CUEDC1: variants seen among roughly 807,000 people sequenced by gnomAD.
CUEDC1 encodes the protein CUE domain-containing protein 1.
CUEDC1 carries 30 observed loss-of-function variants against 43.7 expected under a neutral mutation model. The ratio of observed to expected loss-of-function variants is 0.69; its 90% CI spans 0.51 to 0.93. The LOEUF is 0.93. CUEDC1 is among the 40% of genes least tolerant of loss of function. The probability of loss-of-function intolerance (pLI) is 0.00; values close to 1 mark genes in which losing one functional copy is unlikely to be tolerated. For missense variants in CUEDC1, 486 were observed against 549.0 expected (o/e 0.89, Z 1.15); for synonymous variants, 223 against 223.6 (o/e 1.00, Z 0.02).
intron 7 of CUEDC1, 67 bp from the exon 8 acceptor site, chr17:57,868,310 T>C (rs2073989058): frequency 6.9e-7 from 1 of 1,439,306 alleles, no homozygotes; most frequent in Non-Finnish European, 9.8e-7. Context: ...TCCTCCCAGG[T>C]GTGGGAAAGG....
chr17:57,921,007 ACATG>A (rs1374842500), intron 1 of CUEDC1, among the ~76,000 whole-genome samples: 1 of 152,256 alleles, frequency 6.6e-6, no homozygotes, highest in African/African-American at 2.4e-5. Context: ...GTTTTAAAAC[ACATG>A]TACAGATCAC....
chr17:57,943,923 GAA>G (rs1255782012), intron 1 of CUEDC1, among the ~76,000 whole-genome samples: 2 of 152,124 alleles, frequency 1.3e-5, no homozygotes, highest in Non-Finnish European at 2.9e-5. Context: ...AACAGTCAAA[GAA>G]TAAGAATCCT....
In CUEDC1 at chr17:57,954,372, C is replaced by T. The variant is rs1362950217; in HGVS notation, c.-316+853G>A. Among the ~76,000 whole-genome samples, 1 of 152,242 alleles carries T rather than the reference C, an allele frequency of 6.6e-6. No homozygotes were observed. Among genetic ancestry groups the T allele is most frequent in the Non-Finnish European group, 1.5e-5 (1 of 68,048 alleles). Reference sequence around the variant, plus strand: ...AAAAAAAGGAAAATCTAAACCCTCCCTCCCCTTAAAACACATTCCGTCTCA... The same window carrying T: ...AAAAAAAGGAAAATCTAAACCCTCCTTCCCCTTAAAACACATTCCGTCTCA... On this transcript the variant is annotated intron_variant, in intron 1 of 10. Coordinates refer to ENST00000577830, the MANE Select transcript of CUEDC1 (RefSeq NM_001271875.2). This position sits in a 1 kb window ranked among gnomAD's most constrained non-coding sequence, Gnocchi z 4.3.
intron 1 of CUEDC1, among the ~76,000 whole-genome samples, chr17:57,913,716 G>A (rs1037738118): frequency 5.9e-5 from 9 of 152,050 alleles, no homozygotes; most frequent in African/African-American, 2.2e-4. Context: ...CATCCTTCTC[G>A]TCTGAACTGA....
intron 10 of CUEDC1, among the ~76,000 whole-genome samples, chr17:57,864,059 A>T (rs1029788205): frequency 1.3e-5 from 2 of 151,930 alleles, no homozygotes; most frequent in African/African-American, 4.8e-5. Context: ...TTCAAAGAGC[A>T]CAGGAAAAAT....
At chr17:57,893,475 C>T (rs1247807369) in intron 1 of CUEDC1, among the ~76,000 whole-genome samples, 1 of 152,186 alleles carries the variant, frequency 6.6e-6, no homozygotes, top group East Asian at 1.9e-4. Flanking sequence ...AGCCGGGTGA[C>T]CTTTAAACGC....
chr17:57,906,600 T>C (rs1414212298), intron 1 of CUEDC1, among the ~76,000 whole-genome samples: 1 of 152,156 alleles, frequency 6.6e-6, no homozygotes, highest in African/African-American at 2.4e-5. Flanking sequence ...TTAAAAATGG[T>C]TAAAATGGTA....
rs1167821017 is a variant in CUEDC1, at chr17:57,885,522, C to T, written c.43G>A (p.Gly15Ser). 2 of 1,395,046 alleles carry T rather than the reference C, an allele frequency of 1.4e-6. No individual in the cohort carries two copies. The highest frequency in any genetic ancestry group is 7.3e-5 in the Admixed American group (2 of 27,426). 86.4% of individuals were successfully genotyped at this position (1,395,046 alleles called of 1,614,324 possible). The part of the protein sequence containing the change: ...FRRSSSGSGG[G>S]GTAGARGGGG... ...CCCCCGCGTGCCCCGGCGGTGCCAC[C>T]CCCGCCGCTGCCGCTGCTGCTCCGG... Residue 15 changes from glycine to serine, a missense_variant, in exon 2 of 11, where the codon GGT (glycine) becomes AGT (serine). Coordinates refer to ENST00000577830, the MANE Select transcript of CUEDC1 (RefSeq NM_001271875.2).
At chr17:57,896,567 G>A (rs1179914284) in intron 1 of CUEDC1, among the ~76,000 whole-genome samples, 2 of 148,978 alleles carry the variant, frequency 1.3e-5, no homozygotes, top group South Asian at 2.1e-4. Flanking sequence ...GATAATATAT[G>A]TTTCCCCTGG....
chr17:57,931,735 C>T (rs1220126008), intron 1 of CUEDC1, among the ~76,000 whole-genome samples: 3 of 152,178 alleles, frequency 2.0e-5, no homozygotes, highest in Non-Finnish European at 2.9e-5. Context: ...GTCAGAGGGA[C>T]TTCATGTCCC....
intron 1 of CUEDC1, among the ~76,000 whole-genome samples, chr17:57,937,370 G>C (rs1052393316): frequency 2.0e-5 from 3 of 151,968 alleles, no homozygotes; most frequent in Admixed American, 6.6e-5. Context: ...CAACACTTTG[G>C]GAAGCCGAGT....
rs79808541 is a variant in CUEDC1 at position 57,930,465 on chromosome 17, G to T, written c.-316+24760C>A. Among the ~76,000 whole-genome samples the T allele has an allele frequency of 0.039, 5,935 of 152,310 alleles. 146 individuals carry two copies. Among genetic ancestry groups the T allele is most frequent in the South Asian group, 0.079 (379 of 4,816 alleles). On this transcript the variant is annotated intron_variant, in intron 1 of 10. Transcript: ENST00000577830. The surrounding 1 kb of genome is among the most constrained non-coding windows in gnomAD (Gnocchi z 4.2). Reference sequence around the variant, plus strand: ...TGAGTCAGAAACCAAAGCCCTCTCCGTCCCAGGGGTTTAACAGAAGGCAGA... The same window carrying T: ...TGAGTCAGAAACCAAAGCCCTCTCCTTCCCAGGGGTTTAACAGAAGGCAGA...
At chr17:57,872,127 C>CA (rs1015026418) in intron 5 of CUEDC1, among the ~76,000 whole-genome samples, 25 of 152,224 alleles carry the variant, frequency 1.6e-4, no homozygotes, top group Admixed American at 1.5e-3. Context: ...TCCTCTACCC[C>CA]AAACGCACTC....
intron 1 of CUEDC1, among the ~76,000 whole-genome samples, chr17:57,943,439 C>G (rs1288563611): frequency 6.6e-6 from 1 of 152,176 alleles, no homozygotes; most frequent in Non-Finnish European, 1.5e-5. Context: ...CTCTCTCCAC[C>G]AAACATAAGC....
In CUEDC1 at chr17:57,862,247, T is replaced by C. The variant is rs2073890595; in HGVS notation, c.*1042A>G. ...GTGTAAGCGTTCCTAGAATCAGAGT[T>C]CTCCTCCTCAGATCACCCGCCCTTC... On this transcript the variant is annotated 3_prime_UTR_variant, in exon 11 of 11. Transcript: ENST00000577830. 6.6e-6 allele frequency: 1 copy of C among 152,298 alleles called. No homozygotes were observed. Among genetic ancestry groups the C allele is most frequent in the African/African-American group, 2.4e-5 (1 of 41,396 alleles). 9.4% of individuals were successfully genotyped at this position (152,298 alleles called of 1,614,324 possible). A position where few individuals can be genotyped will look rare whatever the true frequency, so the allele number is the denominator to read the frequency against.
chr17:57,916,469 A>G (rs1054085147), intron 1 of CUEDC1, among the ~76,000 whole-genome samples: 4 of 152,234 alleles, frequency 2.6e-5, no homozygotes, highest in Admixed American at 2.6e-4. Context: ...CCCAAAGCAA[A>G]GGCAACACAA....
At chr17:57,915,597 T>C (rs1012075263) in intron 1 of CUEDC1, among the ~76,000 whole-genome samples, 2 of 152,238 alleles carry the variant, frequency 1.3e-5, no homozygotes, top group Admixed American at 6.5e-5. Flanking sequence ...CAGCAGGGAC[T>C]GAGCAACAGC....
Position 57,896,493 on chromosome 17 carries a change from T to G in CUEDC1, c.-315-10614A>C, listed in dbSNP as rs866309575. ...CTACTATAGTGCATTATGGGGTGTG[T>G]GTGTGTGTGTGTGTGTGTGTGTGTG... On this transcript the variant is annotated intron_variant, in intron 1 of 10. Transcript: ENST00000577830. 7.9e-3 allele frequency among the ~76,000 whole-genome samples: 697 copies of G among 88,512 alleles called. 21 individuals carry two copies. Among genetic ancestry groups the G allele is most frequent in the African/African-American group, 0.042 (493 of 11,780 alleles). 58.1% of individuals were successfully genotyped at this position (88,512 alleles called of 152,430 possible).
intron 1 of CUEDC1, among the ~76,000 whole-genome samples, chr17:57,909,219 G>A (rs967421759): frequency 9.2e-5 from 14 of 151,986 alleles, no homozygotes; most frequent in African/African-American, 3.1e-4. Flanking sequence ...GGCTGGTCTC[G>A]AACTCCTGAC....
Sources: gnomAD v4.1 joint callset for allele counts (sites outside exome capture counted in the v4.1 genomes callset) on GRCh38, gnomAD v4.1.1 for gene constraint, Gnocchi (gnomAD v3.1) non-coding constraint, MANE v1.5 for transcripts, NCBI Gene and HGNC (gene_info 2026-07-23, HGNC 2026-07-21) for gene names.